Variants in RAB44 observed in about 807,000 individuals in gnomAD.
RAB44 encodes the protein ras-related protein Rab-44.
RAB44 carries 67 observed loss-of-function variants against 93.3 expected under a neutral mutation model. The ratio of observed to expected loss-of-function variants is 0.72; its 90% CI spans 0.59 to 0.88. The LOEUF (loss-of-function observed/expected upper bound fraction) is 0.88, where lower values mean the gene tolerates loss of function less well. Among genes scored for constraint, RAB44 ranks in the 40% least tolerant of loss-of-function variants. RAB44 has a pLI of 0.00. For missense variants in RAB44, 1,064 were observed against 1,261.7 expected (o/e 0.84, Z 2.37); for synonymous variants, 427 against 520.3 (o/e 0.82, Z 2.44).
rs190028828 is a variant in RAB44, at chr6:36,723,691, C to T, written c.2599+958C>T. Among the ~76,000 whole-genome samples the T allele has an allele frequency of 3.2e-3, 492 of 151,850 alleles. 3 individuals are homozygous for T. The highest frequency in any genetic ancestry group is 0.011 in the African/African-American group (471 of 41,420). On this transcript the variant is annotated intron_variant, in intron 9 of 13. Coordinates refer to ENST00000612677, the MANE Select transcript of RAB44 (RefSeq NM_001257357.2). ...TTTACTAAAAATACAAAAAATTAGCCGGGCATGGTGGCGGTTGCTTGTAGT... is the reference window on the plus strand; with the variant it reads ...TTTACTAAAAATACAAAAAATTAGCTGGGCATGGTGGCGGTTGCTTGTAGT...
intron 1 of RAB44, among the ~76,000 whole-genome samples, chr6:36,699,475 G>GAGC (rs1762461688): frequency 3.3e-5 from 5 of 152,140 alleles, no homozygotes; most frequent in Admixed American, 3.3e-4. Flanking sequence ...CCTTGGCCGT[G>GAGC]TTAGCTCCAT....
At chr6:36,716,216 T>A (rs1391798783) in intron 4 of RAB44, among the ~76,000 whole-genome samples, 2 of 151,974 alleles carry the variant, frequency 1.3e-5, no homozygotes, top group Non-Finnish European at 2.9e-5. Context: ...ATGCCTGTAA[T>A]CCCAGCACTT....
intron 2 of RAB44, among the ~76,000 whole-genome samples, chr6:36,712,186 C>T (rs1248596269): frequency 6.6e-6 from 1 of 151,728 alleles, no homozygotes. Context: ...ACAGGTAATC[C>T]CAGCTACTCA....
chr6:36,699,214 G>T (rs188174992), intron 1 of RAB44, among the ~76,000 whole-genome samples: 1 of 152,246 alleles, frequency 6.6e-6, no homozygotes. Flanking sequence ...CAGGCGAGGT[G>T]TCTGGAAGGT....
chr6:36,713,948 G>A lies in RAB44; in HGVS notation c.319+9G>A, dbSNP rs1272746557. The stretch of plus-strand genomic sequence containing the variant: ...ATTCAGCTCTGGACTCAGTATGTCT[G>A]TCTTTGGAGGGCCTCTGGGCACCCA... On this transcript the variant is annotated intron_variant, in intron 3 of 13. Coordinates refer to ENST00000612677, the MANE Select transcript of RAB44 (RefSeq NM_001257357.2). The A allele has an allele frequency of 2.7e-6, 4 of 1,495,934 alleles. No homozygotes were observed. The allele number at this position is 1,495,934 out of a possible 1,614,324, so 92.7% of individuals were successfully genotyped here.
intron 2 of RAB44, among the ~76,000 whole-genome samples, chr6:36,705,110 CAAA>C (rs759512832): frequency 1.2e-4 from 10 of 85,466 alleles, no homozygotes; most frequent in Admixed American, 1.3e-4. Context: ...GACTCCATCT[CAAA>C]AAAAAAAAAA....
At chr6:36,707,832 G>T (rs59839172) in intron 2 of RAB44, among the ~76,000 whole-genome samples, 13,215 of 152,210 alleles carry the variant, frequency 0.087, 1,589 homozygotes, top group African/African-American at 0.27. Flanking sequence ...CTGTGGTTAT[G>T]TATTACACTA....
intron 9 of RAB44, among the ~76,000 whole-genome samples, chr6:36,723,782 T>C (rs236474): frequency 0.55 from 79,291 of 144,108 alleles, 22,290 homozygotes; most frequent in Middle Eastern, 0.64. Context: ...TTGCAGTGAG[T>C]CGAGATCGCA....
Position 36,731,918 on chromosome 6 carries a change from C to T in RAB44, c.2976-85C>T, listed in dbSNP as rs573254595. On this transcript the variant is annotated intron_variant, in intron 13 of 13. Transcript: ENST00000612677. This position sits in a 1 kb window ranked among gnomAD's most constrained non-coding sequence, Gnocchi z 4.0. ...GTTGTGGGGGTTGTGGGTGCGGCCT[C>T]CCACCCCCCAGCTGCACCCATGGGC... 228 of 896,312 alleles carry T rather than the reference C, an allele frequency of 2.5e-4. 1 individual carries two copies. Among genetic ancestry groups the T allele is most frequent in the South Asian group, 1.7e-3 (29 of 16,918 alleles). The allele number at this position is 896,312 out of a possible 1,614,324, so 55.5% of individuals were successfully genotyped here. A position where few individuals can be genotyped will look rare whatever the true frequency, so the allele number is the denominator to read the frequency against.
chr6:36,719,408 C>T (rs923100087), intron 7 of RAB44, among the ~76,000 whole-genome samples: 2 of 152,196 alleles, frequency 1.3e-5, no homozygotes, highest in Non-Finnish European at 2.9e-5. Flanking sequence ...GTCCTGTCCC[C>T]TGTGGATGTG....
At position 36,722,474 on chromosome 6, in the gene RAB44, G is replaced by A. The variant is rs1312417999; in HGVS notation, c.2340G>A (p.Thr780=). ...EQEAQPRPSL[T]TAHAEEQGPP... Reference sequence around the variant, plus strand: ...AAGCCCAACCCAGGCCATCCCTCACGACTGCTCACGCAGAAGAACAAGGCC... The same window carrying A: ...AAGCCCAACCCAGGCCATCCCTCACAACTGCTCACGCAGAAGAACAAGGCC... Residue 780 remains threonine, a synonymous_variant, in exon 9 of 14, where the codon ACG becomes ACA. Transcript: ENST00000612677. 62 of 1,468,152 alleles carry A rather than the reference G, an allele frequency of 4.2e-5. No homozygotes were observed. Among genetic ancestry groups the A allele is most frequent in the South Asian group, 8.4e-5 (6 of 71,226 alleles). 90.9% of individuals were successfully genotyped at this position (1,468,152 alleles called of 1,614,324 possible).
In RAB44 at chr6:36,719,802, T is replaced by A. The variant is rs555512362; in HGVS notation, c.829-561T>A. ...GCGAAGGCCCTGAGCGGGCATGAGCTGTGGAAGTTCACAGAACAGTAAGCA... is the reference window on the plus strand; with the variant it reads ...GCGAAGGCCCTGAGCGGGCATGAGCAGTGGAAGTTCACAGAACAGTAAGCA... On this transcript the variant is annotated intron_variant, in intron 7 of 13. Transcript: ENST00000612677. Among the ~76,000 whole-genome samples the A allele has an allele frequency of 3.3e-3, 504 of 152,214 alleles. 2 individuals are homozygous for A. The highest frequency in any genetic ancestry group is 0.011 in the African/African-American group (468 of 41,534).
At chr6:36,724,816 G>T (rs1460367999) in intron 9 of RAB44, among the ~76,000 whole-genome samples, 1 of 152,016 alleles carries the variant, frequency 6.6e-6, no homozygotes, top group Non-Finnish European at 1.5e-5. Flanking sequence ...CGTCTTTTCT[G>T]GTTTAAATAC....
At chr6:36,718,705 G>A in intron 7 of RAB44, 117 bp downstream of exon 7, 2 of 461,522 alleles carry the variant, frequency 4.3e-6, no homozygotes, top group Non-Finnish European at 7.0e-6. Context: ...GTACTGTGAT[G>A]ATTAGAGATA....
At chr6:36,712,119 A>G (rs1198038174) in intron 2 of RAB44, among the ~76,000 whole-genome samples, 1 of 152,044 alleles carries the variant, frequency 6.6e-6, no homozygotes, top group East Asian at 1.9e-4. Flanking sequence ...CTTGGCCAAC[A>G]TGGTGAAACC....
At position 36,721,699 on chromosome 6, in the gene RAB44, T is replaced by G; in HGVS notation, c.1565T>G (p.Ile522Ser). Residue 522 changes from isoleucine (I) to serine (S), a missense_variant, in exon 9 of 14, where the codon ATC becomes AGC. By Grantham distance (142) the Ile-to-Ser change is moderately radical. Coordinates refer to ENST00000612677, the MANE Select transcript of RAB44 (RefSeq NM_001257357.2). Reference protein sequence around the residue: ...PQAPAGSSKQIQASDPDDKGP... With the variant: ...PQAPAGSSKQSQASDPDDKGP... ...GCCCCAGCTGGGTCCAGCAAACAGA[T>G]CCAGGCCTCAGACCCAGATGACAAG... The G allele has an allele frequency of 8.1e-7, 1 of 1,234,090 alleles. No homozygotes were observed. The highest frequency in any genetic ancestry group is 1.0e-6 in the Non-Finnish European group (1 of 988,162). 76.4% of individuals were successfully genotyped at this position (1,234,090 alleles called of 1,614,324 possible). A position where few individuals can be genotyped will look rare whatever the true frequency, so the allele number is the denominator to read the frequency against.
At chr6:36,719,944 T>C (rs1763028334) in intron 7 of RAB44, among the ~76,000 whole-genome samples, 1 of 152,084 alleles carries the variant, frequency 6.6e-6, no homozygotes, top group Non-Finnish European at 1.5e-5. Context: ...TTGCAAGAGC[T>C]TTGCCTTTCC....
rs1763122978 is a variant in RAB44, at chr6:36,722,615, G to A, written c.2481G>A (p.Gln827=). Residue 827 remains glutamine (Q), a synonymous_variant, in exon 9 of 14, where the codon CAG becomes CAA. Transcript: ENST00000612677. The part of the protein sequence containing the change: ...PGDPMAGGGP[Q]ANPDYLFHVI... Reference sequence around the variant, plus strand: ...ACCCCATGGCTGGAGGGGGACCCCAGGCCAACCCTGATTACCTCTTCCATG... The same window carrying A: ...ACCCCATGGCTGGAGGGGGACCCCAAGCCAACCCTGATTACCTCTTCCATG... 1 of 1,550,646 alleles carries A rather than the reference G, an allele frequency of 6.4e-7. No homozygotes were observed. The highest frequency in any genetic ancestry group is 8.7e-7 in the Non-Finnish European group (1 of 1,146,996).
rs142034024 is a variant in RAB44, at chr6:36,705,006, G to A, written c.207+564G>A. 9.3e-3 allele frequency among the ~76,000 whole-genome samples: 1,411 copies of A among 151,816 alleles called. 27 individuals are homozygous for A. Among genetic ancestry groups the A allele is most frequent in the African/African-American group, 0.031 (1,291 of 41,322 alleles). On this transcript the variant is annotated intron_variant, in intron 2 of 13. Transcript: ENST00000612677. ...ATGGTGGTAGGTGCCTGTAATCCCA[G>A]CTACTTGGGAGGCTGAAGCATGAGA... is the stretch of plus-strand genomic sequence containing the variant.
Sources: allele counts gnomAD v4.1 joint callset (sites outside exome capture counted in the v4.1 genomes callset), GRCh38; gene constraint gnomAD v4.1.1; non-coding constraint Gnocchi (gnomAD v3.1); transcripts MANE v1.5; gene names NCBI Gene and HGNC (gene_info 2026-07-23, HGNC 2026-07-21).